LINGO2: variants seen among roughly 807,000 people sequenced by gnomAD.
LINGO2 encodes leucine rich repeat and Ig domain containing 2.
In LINGO2, 14 loss-of-function variants were observed where a neutral mutation model predicts 30.6. That is an observed-to-expected ratio of 0.46 (90% CI 0.30 to 0.72). LINGO2 has a LOEUF of 0.72. Among genes scored for constraint, LINGO2 ranks in the 30% least tolerant of loss-of-function variants. LINGO2 has a pLI of 0.07. For missense variants in LINGO2, 729 were observed against 751.7 expected, an observed-to-expected ratio of 0.97 and a Z score of 0.35; for synonymous variants, 317 against 288.5, an observed-to-expected ratio of 1.10 and a Z score of -1.00.
chr9:28,885,818 C>T, the LINGO2 span, among the ~76,000 whole-genome samples: 1 of 152,162 alleles, frequency 6.6e-6, no homozygotes, highest in South Asian at 2.1e-4. Flanking sequence ...TCTGAGGTTG[C>T]CATGCAGAAA....
At chr9:28,335,406 C>A (rs1408872586) in intron 3 of LINGO2, among the ~76,000 whole-genome samples, 2 of 152,146 alleles carry the variant, frequency 1.3e-5, no homozygotes, top group Non-Finnish European at 2.9e-5. Context: ...TCTTTGTAAT[C>A]ATCTGTTACA....
chr9:28,609,783 A>G (rs546868376), intron 1 of LINGO2, among the ~76,000 whole-genome samples: 3 of 151,864 alleles, frequency 2.0e-5, no homozygotes, highest in South Asian at 2.1e-4. Flanking sequence ...TTTTGCACAT[A>G]TGAGTGTTTC....
At chr9:28,994,334 G>T in the LINGO2 span, among the ~76,000 whole-genome samples, 1 of 152,244 alleles carries the variant, frequency 6.6e-6, no homozygotes, top group Middle Eastern at 3.4e-3. Context: ...CCACTTCAAG[G>T]ACAACTACAA....
At chr9:28,582,825 T>C (rs1032095669) in intron 1 of LINGO2, among the ~76,000 whole-genome samples, 1 of 152,226 alleles carries the variant, frequency 6.6e-6, no homozygotes, top group Admixed American at 6.6e-5. Context: ...AACCTTTTTA[T>C]GGTTGAACCT....
intron 4 of LINGO2, among the ~76,000 whole-genome samples, chr9:28,170,576 C>T (rs1828553880): frequency 6.6e-6 from 1 of 152,140 alleles, no homozygotes; most frequent in African/African-American, 2.4e-5. Flanking sequence ...GCTGTGGTAA[C>T]AAATTATCAC....
chr9:28,205,718 G>T (rs1285593532), intron 4 of LINGO2, among the ~76,000 whole-genome samples: 1 of 152,132 alleles, frequency 6.6e-6, no homozygotes, highest in Non-Finnish European at 1.5e-5. Flanking sequence ...AGTCACCAGA[G>T]AATTGATCTT....
At chr9:28,499,093 G>A (rs1298857825) in intron 1 of LINGO2, among the ~76,000 whole-genome samples, 2 of 152,072 alleles carry the variant, frequency 1.3e-5, no homozygotes, top group Non-Finnish European at 2.9e-5. Flanking sequence ...ACTCTGAAGA[G>A]CAGCTTACTT....
At chr9:28,308,944 A>C (rs979243059) in intron 3 of LINGO2, among the ~76,000 whole-genome samples, 1 of 152,106 alleles carries the variant, frequency 6.6e-6, no homozygotes. Context: ...AGGTGCTGGA[A>C]AGGATGTGGA....
intron 4 of LINGO2, among the ~76,000 whole-genome samples, chr9:28,258,358 G>A (rs1822450237): frequency 1.3e-5 from 2 of 151,816 alleles, no homozygotes; most frequent in Non-Finnish European, 2.9e-5. Context: ...TTTCCCAAGA[G>A]TGAGGTCTGA....
chr9:28,040,263 AT>A (rs1563935657), intron 4 of LINGO2, among the ~76,000 whole-genome samples: 3 of 152,132 alleles, frequency 2.0e-5, no homozygotes, highest in African/African-American at 7.2e-5. Context: ...CAAATTACTA[AT>A]AGTTTATCTT....
intron 4 of LINGO2, among the ~76,000 whole-genome samples, chr9:28,055,470 G>A (rs1270696157): frequency 6.6e-6 from 1 of 152,120 alleles, no homozygotes; most frequent in South Asian, 2.1e-4. Context: ...CATAAAATAA[G>A]AACTTGTAAA....
intron 4 of LINGO2, among the ~76,000 whole-genome samples, chr9:28,063,132 G>A (rs991349616): frequency 6.6e-6 from 1 of 152,096 alleles, no homozygotes; most frequent in African/African-American, 2.4e-5. Context: ...CTAGTTTCTG[G>A]AACAATCCAG....
chr9:28,224,639 C>T (rs1470476265), intron 4 of LINGO2, among the ~76,000 whole-genome samples: 1 of 152,054 alleles, frequency 6.6e-6, no homozygotes, highest in Non-Finnish European at 1.5e-5. Flanking sequence ...ACCCATTTTT[C>T]CTCTCTTTAT....
chr9:28,820,375 CT>C, the LINGO2 span, among the ~76,000 whole-genome samples: 1 of 152,020 alleles, frequency 6.6e-6, no homozygotes, highest in African/African-American at 2.4e-5. Context: ...CCTTAGAAAC[CT>C]TAGGCTAACG....
chr9:28,839,741 G>A, the LINGO2 span, among the ~76,000 whole-genome samples: 6 of 152,178 alleles, frequency 3.9e-5, no homozygotes, highest in Admixed American at 2.0e-4. Flanking sequence ...TTTGGTCTGC[G>A]TACGTGGCAG....
chr9:29,182,087 T>A, the LINGO2 span, among the ~76,000 whole-genome samples: 1 of 152,008 alleles, frequency 6.6e-6, no homozygotes, highest in African/African-American at 2.4e-5. Context: ...AGAAAATAAA[T>A]AGAAAGATGA....
intron 2 of LINGO2, among the ~76,000 whole-genome samples, chr9:28,451,779 A>G (rs1824656668): frequency 6.6e-6 from 1 of 151,778 alleles, no homozygotes; most frequent in South Asian, 2.1e-4. Flanking sequence ...AGCTACACCC[A>G]GTAGCCTACT....
chr9:28,743,825 A>G, the LINGO2 span, among the ~76,000 whole-genome samples: 30 of 151,924 alleles, frequency 2.0e-4, no homozygotes, highest in African/African-American at 2.9e-4. Context: ...TGGTAGTTCA[A>G]TGAGCTTCTT....
chr9:28,849,056 G>A, the LINGO2 span, among the ~76,000 whole-genome samples: 3 of 151,932 alleles, frequency 2.0e-5, no homozygotes, highest in Non-Finnish European at 2.9e-5. Flanking sequence ...AGCACAAGAT[G>A]GAAAACATAT....
Sources: gnomAD v4.1 joint callset for allele counts (sites outside exome capture counted in the v4.1 genomes callset) on GRCh38, gnomAD v4.1.1 for gene constraint, MANE v1.5 for transcripts, NCBI Gene and HGNC (gene_info 2026-07-23, HGNC 2026-07-21) for gene names.